The following TRPC5 variants were observed in gnomAD, a reference collection of about 807,000 sequenced individuals.
TRPC5 encodes short transient receptor potential channel 5.
In TRPC5, 9 loss-of-function variants were observed where a neutral mutation model predicts 56.5. The observed-to-expected ratio is 0.16, with a 90% confidence interval of 0.10 to 0.28. The LOEUF (loss-of-function observed/expected upper bound fraction) is 0.28. Among genes scored for constraint, TRPC5 ranks in the 10% least tolerant of loss-of-function variants. The probability of loss-of-function intolerance (pLI) is 1.00; values close to 1 mark genes in which losing one functional copy is unlikely to be tolerated. For missense variants in TRPC5, 469 were observed against 748.9 expected, an observed-to-expected ratio of 0.63 and a Z score of 4.36; for synonymous variants, 282 against 278.5, an observed-to-expected ratio of 1.01 and a Z score of -0.13.
intron 2 of TRPC5, among the ~76,000 whole-genome samples, chrX:111,943,419 A>G (rs985034338): frequency 1.8e-5 from 2 of 111,967 alleles, no homozygotes; most frequent in Non-Finnish European, 3.8e-5. Context: ...AGACAAAAAA[A>G]CAGATAGGAG....
rs1346458699 is a variant in TRPC5 at position 112,008,950 on chromosome X, C to T, written c.-21-56509G>A. Among the ~76,000 whole-genome samples the T allele has an allele frequency of 3.6e-5, 4 of 111,823 alleles. No individual in the cohort carries two copies. In the East Asian group the frequency reaches 1.1e-3, roughly 32 times the overall value. ...GTCTGAGAGGATCTGCCTGTCACTG[C>T]CACAGTCAATAACCCTGGCTTATCC... is the stretch of plus-strand genomic sequence containing the variant. On this transcript the variant is annotated intron_variant, in intron 1 of 10. Transcript: ENST00000262839.
At chrX:112,023,935 A>G (rs1929351712) in intron 1 of TRPC5, among the ~76,000 whole-genome samples, 1 of 111,509 alleles carries the variant, frequency 9.0e-6, no homozygotes, top group African/African-American at 3.3e-5. Flanking sequence ...CCAACTAGCA[A>G]TATTACACCC....
chrX:111,967,488 T>G (rs1273615540), intron 1 of TRPC5, among the ~76,000 whole-genome samples: 1 of 111,671 alleles, frequency 9.0e-6, no homozygotes, highest in African/African-American at 3.3e-5. Flanking sequence ...TACTTTAAAG[T>G]TCATAGCGAC....
At chrX:111,914,789 T>G (rs1925925152) in intron 2 of TRPC5, among the ~76,000 whole-genome samples, 1 of 110,988 alleles carries the variant, frequency 9.0e-6, no homozygotes, top group Non-Finnish European at 1.9e-5. Flanking sequence ...TAGGTCTGAG[T>G]GGGTCTGGAA....
chrX:111,768,314 A>G lies in TRPC5; in HGVS notation c.*7999T>C, dbSNP rs975238341. Among the ~76,000 whole-genome samples, 8 of 112,136 alleles carry G rather than the reference A, an allele frequency of 7.1e-5. No individual in the cohort carries two copies. The East Asian group carries it at 1.7e-3, about 23-fold the overall frequency. On this transcript the variant is annotated 3_prime_UTR_variant, in exon 11 of 11. Transcript: ENST00000262839. ...TGGTGATATGTGGTTGGGGCTGCCA[A>G]CTAGGCTTAGAAGGTGAATTACACA...
At chrX:111,876,988 C>T (rs1190211640) in intron 3 of TRPC5, among the ~76,000 whole-genome samples, 1 of 111,548 alleles carries the variant, frequency 9.0e-6, no homozygotes, top group Non-Finnish European at 1.9e-5. Flanking sequence ...GGAGTTCATT[C>T]TGTAAAACTT....
Position 111,776,451 on chromosome X carries a change from A to C in TRPC5, c.2784T>G (p.Cys928Trp), listed in dbSNP as rs756966599. The C allele has an allele frequency of 8.3e-7, 1 of 1,211,530 alleles. No homozygotes were observed. Among genetic ancestry groups the C allele is most frequent in the Non-Finnish European group, 1.1e-6 (1 of 895,379 alleles). The stretch of plus-strand genomic sequence containing the variant: ...AATTTGAGGAGCAGATGCTGGATGC[A>C]CAGTGAAGAGAGCTGGAACAGGCTA... ...CPLACSSSLH[C>W]ASSICSSNSK... Residue 928 changes from cysteine to tryptophan, a missense_variant, in exon 11 of 11, where the codon TGT (cysteine) becomes TGG (tryptophan). Physicochemically the swap from Cys to Trp is radical, Grantham distance 215 (BLOSUM62 -2). Coordinates refer to ENST00000262839, the MANE Select transcript of TRPC5 (RefSeq NM_012471.3).
At chrX:111,952,841 G>T (rs937573796) in intron 1 of TRPC5, among the ~76,000 whole-genome samples, 2 of 111,701 alleles carry the variant, frequency 1.8e-5, no homozygotes, top group African/African-American at 6.5e-5. Context: ...AGTTAAATAA[G>T]ATATACATTA....
intron 7 of TRPC5, among the ~76,000 whole-genome samples, chrX:111,787,623 A>G (rs1945978791): frequency 9.0e-6 from 1 of 110,825 alleles, no homozygotes; most frequent in Non-Finnish European, 1.9e-5. Context: ...TGAATCCAGA[A>G]GCTGGTTTTT....
rs148196330 is a variant in TRPC5, at chrX:112,051,126, G to A, written c.-22+30753C>T. Among the ~76,000 whole-genome samples, 709 of 112,773 alleles carry A rather than the reference G, an allele frequency of 6.3e-3. 4 individuals carry two copies. Among genetic ancestry groups the A allele is most frequent in the African/African-American group, 0.022 (683 of 31,048 alleles). ...GGAGTTTTCTCCAGAAGACTGAAGG[G>A]TGGGAAGAGATAGAGGTCAGGATAT... On this transcript the variant is annotated intron_variant, in intron 1 of 10. Coordinates refer to ENST00000262839, the MANE Select transcript of TRPC5 (RefSeq NM_012471.3).
At chrX:111,931,670 T>C (rs1195069836) in intron 2 of TRPC5, among the ~76,000 whole-genome samples, 1 of 111,837 alleles carries the variant, frequency 8.9e-6, no homozygotes, top group Non-Finnish European at 1.9e-5. Context: ...CATTTTTAGC[T>C]CCAAAGTTCT....
intron 7 of TRPC5, among the ~76,000 whole-genome samples, chrX:111,798,679 A>G (rs768519424): frequency 3.6e-5 from 4 of 112,007 alleles, no homozygotes; most frequent in Non-Finnish European, 7.5e-5. Context: ...AAATTTGTGA[A>G]GCTGTCACTG....
chrX:111,902,931 T>G (rs961727151), intron 3 of TRPC5: 36 of 111,705 alleles, frequency 3.2e-4, no homozygotes, highest in African/African-American at 1.1e-3. Flanking sequence ...AAGAGAGAAG[T>G]AATAGAAGGG....
intron 3 of TRPC5, among the ~76,000 whole-genome samples, chrX:111,879,914 C>T (rs1376179587): frequency 3.9e-5 from 4 of 101,926 alleles, no homozygotes; most frequent in Non-Finnish European, 7.5e-5. Context: ...TCAAGTTCCT[C>T]TTCATTTTTT....
chrX:111,863,982 A>G (rs1923474793), intron 3 of TRPC5, among the ~76,000 whole-genome samples: 1 of 110,953 alleles, frequency 9.0e-6, no homozygotes, highest in Non-Finnish European at 1.9e-5. Context: ...CATAGTGTTT[A>G]ATTCTTTTTT....
At chrX:111,968,269 A>T (rs1220780826) in intron 1 of TRPC5, among the ~76,000 whole-genome samples, 7 of 111,490 alleles carry the variant, frequency 6.3e-5, no homozygotes, top group Non-Finnish European at 1.3e-4. Flanking sequence ...TCAAAACCAC[A>T]ATGAGATACC....
At chrX:112,023,699 A>C (rs959885113) in intron 1 of TRPC5, among the ~76,000 whole-genome samples, 5 of 111,612 alleles carry the variant, frequency 4.5e-5, no homozygotes, top group Non-Finnish European at 9.4e-5. Context: ...AATTGCCATG[A>C]ACTTCCTATA....
Position 111,853,816 on chromosome X carries a change from C to A in TRPC5, c.1191G>T (p.Gly397=). ...TCCATTCCACGACAGTTGGGGGAGG[C>A]CCCTGTACATGAAGGTCTGTCCTGA... is the stretch of plus-strand genomic sequence containing the variant. ...HIVRTDLHVQ[G]PPPTVVEWMI... is the part of the protein sequence containing the mutation. The change falls in exon 4 of 11, where the codon GGG becomes GGT. Residue 397 remains glycine (G), a synonymous_variant. Coordinates refer to ENST00000262839, the MANE Select transcript of TRPC5 (RefSeq NM_012471.3). 8.3e-7 allele frequency: 1 copy of A among 1,211,932 alleles called. No individual in the cohort carries two copies. Among genetic ancestry groups the A allele is most frequent in the South Asian group, 1.8e-5 (1 of 56,993 alleles).
At position 111,768,852 on chromosome X, in the gene TRPC5, C is replaced by G. The variant is rs951848950; in HGVS notation, c.*7461G>C. On this transcript the variant is annotated 3_prime_UTR_variant, in exon 11 of 11. Transcript: ENST00000262839. ...TGAGAATTCTGGCTGCTTCTCCTGCCCACGTACACTAAGCACAGTTATCAC... is the reference window on the plus strand; with the variant it reads ...TGAGAATTCTGGCTGCTTCTCCTGCGCACGTACACTAAGCACAGTTATCAC... Among the ~76,000 whole-genome samples, 1 of 111,385 alleles carries G rather than the reference C, an allele frequency of 9.0e-6. No individual in the cohort carries two copies. Among genetic ancestry groups the G allele is most frequent in the Non-Finnish European group, 1.9e-5 (1 of 52,994 alleles).
Sources: gnomAD v4.1 joint callset for allele counts (sites outside exome capture counted in the v4.1 genomes callset) on GRCh38, gnomAD v4.1.1 for gene constraint, MANE v1.5 for transcripts, NCBI Gene and HGNC (gene_info 2026-07-23, HGNC 2026-07-21) for gene names.